The following BLACAT1 variants were observed in gnomAD, a reference collection of about 807,000 sequenced individuals.
BLACAT1 encodes BLACAT1 overlapping LEMD1 locus.
chr1:205,439,008 T>C (rs1339581979), downstream of BLACAT1, among the ~76,000 whole-genome samples: 1 of 152,182 alleles, frequency 6.6e-6, no homozygotes, highest in African/African-American at 2.4e-5. Flanking sequence ...ACCCAATATC[T>C]CTGAGTCTCC....
chr1:205,453,682 A>C (rs974427927), intron 1 of BLACAT1, among the ~76,000 whole-genome samples: 1 of 151,988 alleles, frequency 6.6e-6, no homozygotes, highest in African/African-American at 2.4e-5. Flanking sequence ...AAGCTGGGGG[A>C]GTCTCCGCAG....
chr1:205,445,762 A>C (rs1026825956), intron 1 of BLACAT1, among the ~76,000 whole-genome samples: 6 of 152,208 alleles, frequency 3.9e-5, no homozygotes, highest in African/African-American at 1.4e-4. Context: ...GCAACGTGAC[A>C]GGCAGCAGCA....
At chr1:205,454,636 T>C (rs889965705) in intron 1 of BLACAT1, among the ~76,000 whole-genome samples, 3 of 151,452 alleles carry the variant, frequency 2.0e-5, no homozygotes, top group Admixed American at 6.6e-5. Context: ...GACTGAGAGA[T>C]AGAAGTTGTT....
intron 1 of BLACAT1, among the ~76,000 whole-genome samples, chr1:205,452,357 A>G (rs928851239): frequency 1.1e-4 from 17 of 152,176 alleles, no homozygotes; most frequent in Admixed American, 8.5e-4. Context: ...CTCCTTTGCC[A>G]GAAAAGTGAA....
chr1:205,442,254 C>T (rs543562194), intron 1 of BLACAT1, among the ~76,000 whole-genome samples: 68 of 152,146 alleles, frequency 4.5e-4, no homozygotes, highest in Non-Finnish European at 8.1e-4. Context: ...GAGGGAGGCA[C>T]AGGGCTATGC....
rs1035360099 is a variant in BLACAT1 at position 205,441,509 on chromosome 1, C to T, written c.-36-447G>A. On this transcript the variant is annotated intron_variant, in intron 1 of 1. Coordinates refer to ENST00000629624, the Ensembl canonical transcript of BLACAT1. The surrounding 1 kb of genome is among the most constrained non-coding windows in gnomAD (Gnocchi z 4.3). ...CTGCAGGTTGCACACACGACAGGCC[C>T]TCCTCCATCCAAATGCGGACCCCTT... is the stretch of plus-strand genomic sequence containing the variant. Among the ~76,000 whole-genome samples the T allele has an allele frequency of 2.0e-5, 3 of 152,200 alleles. No individual in the cohort carries two copies. The highest frequency in any genetic ancestry group is 4.4e-5 in the Non-Finnish European group (3 of 68,034).
chr1:205,448,760 C>T lies in BLACAT1; in HGVS notation c.-37+7157G>A, dbSNP rs1287484558. Among the ~76,000 whole-genome samples the T allele has an allele frequency of 6.6e-6, 1 of 152,152 alleles. No individual in the cohort carries two copies. Among genetic ancestry groups the T allele is most frequent in the Non-Finnish European group, 1.5e-5 (1 of 68,014 alleles). ...AGAATAAGGCCGGATCTTTTCAAGG[C>T]TGCTGCTGCCAGTACCCAGGATGGG... On this transcript the variant is annotated intron_variant, in intron 1 of 1. Transcript: ENST00000629624. The surrounding 1 kb of genome is among the most constrained non-coding windows in gnomAD (Gnocchi z 4.7).
intron 1 of BLACAT1, among the ~76,000 whole-genome samples, chr1:205,444,926 T>C (rs867895648): frequency 1.6e-4 from 21 of 134,682 alleles, no homozygotes; most frequent in Middle Eastern, 3.8e-3. Flanking sequence ...AAAAGAGAAG[T>C]GACCCAGTAA....
At chr1:205,443,580 A>G (rs1484885205) in intron 1 of BLACAT1, among the ~76,000 whole-genome samples, 2 of 152,156 alleles carry the variant, frequency 1.3e-5, no homozygotes, top group African/African-American at 4.8e-5. Flanking sequence ...TGGCTGCCTC[A>G]GTGGGATTCC....
downstream of BLACAT1, among the ~76,000 whole-genome samples, chr1:205,438,084 G>A (rs1361469058): frequency 6.6e-6 from 1 of 152,202 alleles, no homozygotes; most frequent in Non-Finnish European, 1.5e-5. Flanking sequence ...CAGGGTCCTA[G>A]GCAACACTCA....
At chr1:205,447,520 A>C (rs1666413581) in intron 1 of BLACAT1, among the ~76,000 whole-genome samples, 1 of 152,108 alleles carries the variant, frequency 6.6e-6, no homozygotes, top group African/African-American at 2.4e-5. Flanking sequence ...CTTCCACCAC[A>C]GCCACCTGTT....
chr1:205,449,676 G>A lies in BLACAT1; in HGVS notation c.-37+6241C>T, dbSNP rs539958424. Among the ~76,000 whole-genome samples, 321 of 152,120 alleles carry A rather than the reference G, an allele frequency of 2.1e-3. 2 individuals are homozygous for A. The highest frequency in any genetic ancestry group is 4.1e-3 in the Admixed American group (63 of 15,290). ...AGGGCCAAACAACCAGGCATCCTGC[G>A]GCCTCCCACCTGAACTTTGGGCCAT... On this transcript the variant is annotated intron_variant, in intron 1 of 1. Transcript: ENST00000629624.
downstream of BLACAT1, chr1:205,435,514 T>C (rs1666191438): frequency 6.6e-6 from 1 of 152,188 alleles, no homozygotes; most frequent in Non-Finnish European, 1.5e-5. Context: ...CATGAAGCCA[T>C]TTGTTCCGGT....
intron 1 of BLACAT1, among the ~76,000 whole-genome samples, chr1:205,443,374 A>G (rs1666329439): frequency 7.4e-6 from 1 of 134,452 alleles, no homozygotes; most frequent in African/African-American, 2.7e-5. Flanking sequence ...CCCTTAAATG[A>G]CCCGTTCCTC....
intron 1 of BLACAT1, among the ~76,000 whole-genome samples, chr1:205,452,244 C>T (rs1666507298): frequency 6.6e-6 from 1 of 152,210 alleles, no homozygotes; most frequent in Non-Finnish European, 1.5e-5. Flanking sequence ...AGCCCCCAGT[C>T]CCACCATTTC....
chr1:205,439,574 A>G (rs1213361240), downstream of BLACAT1, among the ~76,000 whole-genome samples: 7 of 152,310 alleles, frequency 4.6e-5, no homozygotes, highest in Non-Finnish European at 7.3e-5. Flanking sequence ...AGAGGCCCAC[A>G]TTCCAAGGAA....
downstream of BLACAT1, among the ~76,000 whole-genome samples, chr1:205,439,602 CCTAT>C (rs1666260187): frequency 6.6e-6 from 1 of 152,194 alleles, no homozygotes; most frequent in South Asian, 2.1e-4. Context: ...CCCTGACTCT[CCTAT>C]CTTGGGGCCT....
chr1:205,438,882 C>T (rs1666249318), downstream of BLACAT1, among the ~76,000 whole-genome samples: 1 of 152,204 alleles, frequency 6.6e-6, no homozygotes, highest in African/African-American at 2.4e-5. Flanking sequence ...CAATCCCTGC[C>T]AAGGCCTGAG....
At chr1:205,437,601 T>A (rs1666230157), downstream of BLACAT1, 2 of 152,216 alleles carry the variant, frequency 1.3e-5, no homozygotes, top group South Asian at 4.1e-4. Flanking sequence ...TCCAGATATG[T>A]CTGTTGTCTG....
Sources: allele counts gnomAD v4.1 joint callset (sites outside exome capture counted in the v4.1 genomes callset), GRCh38; gene constraint gnomAD v4.1.1; non-coding constraint Gnocchi (gnomAD v3.1); transcripts MANE v1.5; gene names NCBI Gene and HGNC (gene_info 2026-07-23, HGNC 2026-07-21).